ARHGAP28: variants seen among roughly 807,000 people sequenced by gnomAD.
ARHGAP28 encodes the protein Rho GTPase activating protein 28.
ARHGAP28 carries 56 observed loss-of-function variants against 90.7 expected under a neutral mutation model. The observed-to-expected ratio is 0.62, with a 90% CI of 0.50 to 0.77. The LOEUF (loss-of-function observed/expected upper bound fraction) is 0.77, where lower values mean the gene tolerates loss of function less well. ARHGAP28 is among the 30% of genes least tolerant of loss of function. ARHGAP28 has a pLI of 0.00. For missense variants in ARHGAP28, 869 were observed against 900.9 expected (o/e 0.96, Z 0.45); for synonymous variants, 308 against 323.3 (o/e 0.95, Z 0.51).
chr18:6,908,918 G>A (rs1329117042), intron 16 of ARHGAP28, 42 bp from the exon 17 acceptor site: 2 of 1,260,112 alleles, frequency 1.6e-6, no homozygotes, highest in African/African-American at 1.5e-5. Context: ...CCTCAGATCA[G>A]GAAAAAGTAC....
At chr18:6,841,213 C>CTCACTGTCTCTCTCCTCTT (rs2056823359) in intron 3 of ARHGAP28, among the ~76,000 whole-genome samples, 1 of 125,656 alleles carries the variant, frequency 8.0e-6, no homozygotes, top group African/African-American at 3.7e-5. Flanking sequence ...CCTCTCCTCT[C>CTCACTGTCTCTCTCCTCTT]TCTCTCTCTC....
At position 6,887,304 on chromosome 18, in the gene ARHGAP28, A is replaced by G. The variant is rs1231606484; in HGVS notation, c.1536+65A>G. On this transcript the variant is annotated intron_variant, in intron 12 of 17. Coordinates refer to ENST00000383472, the MANE Select transcript of ARHGAP28 (RefSeq NM_001366230.1). ...ATTGCTCAGAGGACATGGCTCATATAGGAAAATGAAAGTGGAGATGACAGC... is the reference window on the plus strand; with the variant it reads ...ATTGCTCAGAGGACATGGCTCATATGGGAAAATGAAAGTGGAGATGACAGC... The G allele has an allele frequency of 6.0e-6, 9 of 1,491,842 alleles. No individual in the cohort carries two copies. The African/African-American group carries it at 8.3e-5, about 14-fold the overall frequency. The allele number at this position is 1,491,842 out of a possible 1,614,324, so 92.4% of individuals were successfully genotyped here. A position where few individuals can be genotyped will look rare whatever the true frequency, so the allele number is the denominator to read the frequency against.
chr18:6,770,167 C>T (rs1288046730), intron 1 of ARHGAP28, among the ~76,000 whole-genome samples: 1 of 152,156 alleles, frequency 6.6e-6, no homozygotes, highest in African/African-American at 2.4e-5. Context: ...GATATTTGTT[C>T]CTTTTAGTCA....
chr18:6,833,736 G>A (rs1256173818), intron 2 of ARHGAP28, among the ~76,000 whole-genome samples: 1 of 152,024 alleles, frequency 6.6e-6, no homozygotes, highest in Non-Finnish European at 1.5e-5. Flanking sequence ...ATACATGCAA[G>A]GTTTCTCCAG....
At chr18:6,814,081 C>G (rs1413091254) in intron 1 of ARHGAP28, among the ~76,000 whole-genome samples, 1 of 152,046 alleles carries the variant, frequency 6.6e-6, no homozygotes, top group East Asian at 1.9e-4. Flanking sequence ...TGGAGTGACT[C>G]TAAGTGTGGA....
intron 1 of ARHGAP28, among the ~76,000 whole-genome samples, chr18:6,773,057 G>A (rs79694979): frequency 2.0e-5 from 3 of 152,244 alleles, no homozygotes; most frequent in Non-Finnish European, 4.4e-5. Flanking sequence ...AAGTCAAGAA[G>A]CACCTGTATT....
chr18:6,900,699 CA>C (rs1217264081), intron 16 of ARHGAP28, among the ~76,000 whole-genome samples: 1 of 86,042 alleles, frequency 1.2e-5, no homozygotes, highest in African/African-American at 3.1e-5. Context: ...AGCTAAATAT[CA>C]TACAATCAGC....
intron 2 of ARHGAP28, among the ~76,000 whole-genome samples, chr18:6,827,753 G>A (rs1169984298): frequency 5.3e-5 from 8 of 151,634 alleles, no homozygotes; most frequent in Non-Finnish European, 8.8e-5. Context: ...CAGATGGGGC[G>A]GTTGCCAGGC....
At chr18:6,843,536 G>T (rs1025477089) in intron 3 of ARHGAP28, among the ~76,000 whole-genome samples, 2 of 152,118 alleles carry the variant, frequency 1.3e-5, no homozygotes, top group South Asian at 4.1e-4. Flanking sequence ...TATCTGCCAG[G>T]AACTTCCAAC....
intron 7 of ARHGAP28, among the ~76,000 whole-genome samples, chr18:6,872,974 G>T (rs974406927): frequency 6.6e-6 from 1 of 151,904 alleles, no homozygotes; most frequent in Non-Finnish European, 1.5e-5. Flanking sequence ...TTGATTTAAA[G>T]ATTGACTGCC....
chr18:6,770,326 T>C (rs1156826023), intron 1 of ARHGAP28, among the ~76,000 whole-genome samples: 1 of 152,200 alleles, frequency 6.6e-6, no homozygotes, highest in African/African-American at 2.4e-5. Context: ...ATCCTTTCAT[T>C]TGTGAACCAA....
intron 1 of ARHGAP28, among the ~76,000 whole-genome samples, chr18:6,822,726 A>G (rs1322912961): frequency 6.6e-6 from 1 of 152,246 alleles, no homozygotes; most frequent in South Asian, 2.1e-4. Context: ...TTAATGTTCA[A>G]AAATAGAACT....
chr18:6,744,035 A>G (rs185948333), intron 1 of ARHGAP28, among the ~76,000 whole-genome samples: 199 of 152,286 alleles, frequency 1.3e-3, no homozygotes, highest in Middle Eastern at 3.4e-3. Context: ...TGAATGAATG[A>G]TTGAAAAAAA....
At chr18:6,789,279 T>C (rs2056388743) in intron 1 of ARHGAP28, 1 of 152,032 alleles carries the variant, frequency 6.6e-6, no homozygotes, top group South Asian at 2.1e-4. Context: ...GATGTACACT[T>C]TGAAAAGACA....
chr18:6,822,946 C>T (rs2056635729), intron 1 of ARHGAP28, among the ~76,000 whole-genome samples: 1 of 152,204 alleles, frequency 6.6e-6, no homozygotes, highest in Non-Finnish European at 1.5e-5. Flanking sequence ...AATTTGATAA[C>T]AATCCGCTGC....
intron 1 of ARHGAP28, among the ~76,000 whole-genome samples, chr18:6,787,669 G>A (rs2056376266): frequency 6.6e-6 from 1 of 152,144 alleles, no homozygotes; most frequent in Non-Finnish European, 1.5e-5. Flanking sequence ...ATTTTAATCT[G>A]GTGGGTTGGC....
intron 3 of ARHGAP28, 39 bp from the exon 4 acceptor site, chr18:6,850,995 A>G: frequency 6.2e-7 from 1 of 1,610,774 alleles, no homozygotes; most frequent in Non-Finnish European, 8.5e-7. Flanking sequence ...ATTTGGAAAG[A>G]TATGCCTGGA....
intron 1 of ARHGAP28, among the ~76,000 whole-genome samples, chr18:6,802,089 TC>T (rs2056486127): frequency 6.6e-6 from 1 of 152,154 alleles, no homozygotes; most frequent in African/African-American, 2.4e-5. Context: ...TGACCAGCTT[TC>T]TTTCTTTTTA....
chr18:6,808,266 AT>A (rs1266471612), intron 1 of ARHGAP28, among the ~76,000 whole-genome samples: 3 of 151,886 alleles, frequency 2.0e-5, no homozygotes, highest in African/African-American at 7.3e-5. Flanking sequence ...CACATATTGT[AT>A]TTTTTATGTA....
Sources: allele counts gnomAD v4.1 joint callset (sites outside exome capture counted in the v4.1 genomes callset), GRCh38; gene constraint gnomAD v4.1.1; transcripts MANE v1.5; gene names NCBI Gene and HGNC (gene_info 2026-07-23, HGNC 2026-07-21).